The following INPP5B variants were observed in gnomAD, a reference collection of about 807,000 sequenced individuals.
The protein encoded by INPP5B is type II inositol 1,4,5-trisphosphate 5-phosphatase.
In INPP5B, 90 loss-of-function variants were observed where a neutral mutation model predicts 118.5. The observed-to-expected ratio is 0.76, with a 90% CI of 0.64 to 0.90. INPP5B has a LOEUF of 0.90. INPP5B is among the 40% of genes least tolerant of loss of function. The probability of loss-of-function intolerance (pLI) is 0.00; values close to 1 mark genes in which losing one functional copy is unlikely to be tolerated. For synonymous variants in INPP5B, 385 were observed against 418.9 expected, an observed-to-expected ratio of 0.92 and a Z score of 0.99; for missense variants, 984 against 1,125.6, an observed-to-expected ratio of 0.87 and a Z score of 1.80.
chr1:37,903,323 C>G (rs545557681), intron 7 of INPP5B, among the ~76,000 whole-genome samples: 1 of 152,182 alleles, frequency 6.6e-6, no homozygotes, highest in Non-Finnish European at 1.5e-5. Flanking sequence ...CTCTCACCAG[C>G]GCCATGACAG....
intron 8 of INPP5B, among the ~76,000 whole-genome samples, chr1:37,890,074 T>G (rs1347115390): frequency 6.6e-6 from 1 of 152,154 alleles, no homozygotes; most frequent in African/African-American, 2.4e-5. Context: ...GAGTATGGGA[T>G]TCAATCATGT....
At chr1:37,865,094 G>A (rs983783583) in intron 22 of INPP5B, among the ~76,000 whole-genome samples, 3 of 151,970 alleles carry the variant, frequency 2.0e-5, no homozygotes, top group African/African-American at 7.3e-5. Context: ...GGCTGGGGCA[G>A]GAGAATCGCT....
chr1:37,883,791 C>T (rs1643349553), intron 13 of INPP5B: 1 of 985,294 alleles, frequency 1.0e-6, no homozygotes, highest in Non-Finnish European at 1.2e-6. Context: ...CAGATAGTTC[C>T]ACCTCGGCAG....
chr1:37,882,773 G>A lies in INPP5B; in HGVS notation c.1431+34C>T, dbSNP rs776757457. The A allele has an allele frequency of 5.9e-6, 9 of 1,514,610 alleles. No homozygotes were observed. The African/African-American group carries it at 6.8e-5, about 12-fold the overall frequency. 93.8% of individuals were successfully genotyped at this position (1,514,610 alleles called of 1,614,324 possible). ...TTCTGTGCCCTCATGGTGGAGGACAGCTGCTGGAAGAGGGCACAGGTGGCC... is the reference window on the plus strand; with the variant it reads ...TTCTGTGCCCTCATGGTGGAGGACAACTGCTGGAAGAGGGCACAGGTGGCC... On this transcript the variant is annotated intron_variant, in intron 14 of 23. Transcript: ENST00000373024.
chr1:37,932,078 A>T (rs1205588020), intron 6 of INPP5B, 25 bp from the exon 7 acceptor site: 1 of 1,550,670 alleles, frequency 6.4e-7, no homozygotes, highest in East Asian at 2.3e-5. Context: ...ATGGGGGCAG[A>T]CTGAGCCACG....
At chr1:37,912,179 G>A (rs1644722996) in intron 7 of INPP5B, among the ~76,000 whole-genome samples, 1 of 152,098 alleles carries the variant, frequency 6.6e-6, no homozygotes, top group Non-Finnish European at 1.5e-5. Flanking sequence ...ATCAGTTCTT[G>A]TTAAGAATCT....
chr1:37,897,706 C>G (rs926817431), intron 7 of INPP5B, among the ~76,000 whole-genome samples: 5 of 150,726 alleles, frequency 3.3e-5, no homozygotes, highest in African/African-American at 1.2e-4. Flanking sequence ...TCCCCCTCTG[C>G]GAGAAACACC....
intron 7 of INPP5B, among the ~76,000 whole-genome samples, chr1:37,891,766 C>T (rs945630509): frequency 3.3e-5 from 5 of 152,170 alleles, no homozygotes; most frequent in African/African-American, 1.2e-4. Flanking sequence ...AAGAGCAAAA[C>T]TCCATCTCAA....
chr1:37,893,096 T>TC (rs1399291181), intron 7 of INPP5B, among the ~76,000 whole-genome samples: 2 of 79,320 alleles, frequency 2.5e-5, no homozygotes, highest in Non-Finnish European at 6.7e-5. Flanking sequence ...TTTTTTTTTT[T>TC]TTTTTTTTTT....
chr1:37,896,013 A>G (rs1381235200), intron 7 of INPP5B, among the ~76,000 whole-genome samples: 4 of 127,510 alleles, frequency 3.1e-5, no homozygotes, highest in Non-Finnish European at 6.6e-5. Flanking sequence ...CTGGCTGCCC[A>G]GTCTGGAAAG....
chr1:37,906,809 G>A (rs1023704394), intron 7 of INPP5B, among the ~76,000 whole-genome samples: 1 of 150,150 alleles, frequency 6.7e-6, no homozygotes, highest in African/African-American at 2.5e-5. Context: ...GCAATGAGCC[G>A]AGATTGCACC....
At chr1:37,875,865 T>G in intron 16 of INPP5B, 149 bp from the exon 17 acceptor site, 1 of 611,536 alleles carries the variant, frequency 1.6e-6, no homozygotes, top group African/African-American at 1.8e-5. Context: ...TGAACTCCAT[T>G]AACAATTGAC....
chr1:37,925,971 T>C (rs767138396), intron 7 of INPP5B, among the ~76,000 whole-genome samples: 4 of 152,228 alleles, frequency 2.6e-5, no homozygotes, highest in Non-Finnish European at 4.4e-5. Context: ...ATGGGCAATA[T>C]TTGTTCTCTA....
chr1:37,933,932 T>C (rs1036467347), intron 6 of INPP5B, among the ~76,000 whole-genome samples: 13 of 146,952 alleles, frequency 8.8e-5, no homozygotes, highest in African/African-American at 2.8e-4. Context: ...TATTTATTTA[T>C]TTATTTATTT....
intron 8 of INPP5B, 116 bp downstream of exon 8, chr1:37,891,242 A>T: frequency 1.6e-6 from 1 of 636,690 alleles, no homozygotes; most frequent in Non-Finnish European, 2.7e-6. Context: ...AAAAAAAAAA[A>T]GGACACTTCC....
chr1:37,872,142 G>A (rs559159890), intron 19 of INPP5B, among the ~76,000 whole-genome samples: 8 of 150,486 alleles, frequency 5.3e-5, no homozygotes, highest in African/African-American at 7.3e-5. Context: ...CGAGATGGGC[G>A]GATCACCTGA....
At chr1:37,885,917 C>A (rs1025615185) in intron 12 of INPP5B, 92 bp from the exon 13 acceptor site, 6 of 1,158,234 alleles carry the variant, frequency 5.2e-6, no homozygotes, top group South Asian at 1.4e-5. Context: ...CGGTGGCTCA[C>A]GCCTGTAATC....
chr1:37,889,602 T>C lies in INPP5B; in HGVS notation c.752A>G (p.His251Arg), dbSNP rs1643725085. 14 of 1,614,032 alleles carry C rather than the reference T, an allele frequency of 8.7e-6. No individual in the cohort carries two copies. The highest frequency in any genetic ancestry group is 1.2e-5 in the Non-Finnish European group (14 of 1,179,930). ...FGLRDTIVKS[H>R]LLQKEEDYTY... ...GTAATCCTCTTCTTTCTGTAGTAGA[T>C]GTGATTTCACAATTGTATCTCGCAG... Residue 251 changes from histidine (H) to arginine (R), a missense_variant, in exon 9 of 24, where the codon CAT becomes CGT. By Grantham distance (29) the His-to-Arg change is conservative (BLOSUM62 0). Around this residue, in one of 2 missense-constraint regions of INPP5B, gnomAD observed 350 missense variants for 334.6 expected, o/e 1.05. Coordinates refer to ENST00000373024, the MANE Select transcript of INPP5B (RefSeq NM_005540.3).
Position 37,889,741 on chromosome 1 carries a change from A to T in INPP5B, c.630-17T>A. On this transcript the variant is annotated splice_polypyrimidine_tract_variant and intron_variant, in intron 8 of 23. Coordinates refer to ENST00000373024, the MANE Select transcript of INPP5B (RefSeq NM_005540.3). ...TTATTCTGTCTGGAAAAACAGAAGT[A>T]TTTTTTTCATATGTGGATGAGTCCC... 3 of 1,596,082 alleles carry T rather than the reference A, an allele frequency of 1.9e-6. No homozygotes were observed. The highest frequency in any genetic ancestry group is 2.6e-6 in the Non-Finnish European group (3 of 1,169,250).
Sources: gnomAD v4.1 joint callset for allele counts (sites outside exome capture counted in the v4.1 genomes callset) on GRCh38, gnomAD v4.1.1 for gene constraint, gnomAD v4.1.1 regional missense constraint, MANE v1.5 for transcripts, NCBI Gene and HGNC (gene_info 2026-07-23, HGNC 2026-07-21) for gene names.